VIT: variants seen among roughly 807,000 people sequenced by gnomAD.
VIT encodes vitrin.
VIT carries 99 observed loss-of-function variants against 78.0 expected under a neutral mutation model. The observed-to-expected ratio is 1.27, with a 90% CI of 1.08 to 1.50. VIT has a LOEUF of 1.50. Among genes scored for constraint, VIT ranks in the 40% most tolerant of loss-of-function variants. The pLI is 0.00. For synonymous variants in VIT, 374 were observed against 334.3 expected, an observed-to-expected ratio of 1.12 and a Z score of -1.29; for missense variants, 1,126 against 875.3, an observed-to-expected ratio of 1.29 and a Z score of -3.61.
intron 1 of VIT, among the ~76,000 whole-genome samples, chr2:36,707,092 G>A (rs1015351169): frequency 1.3e-5 from 2 of 152,142 alleles, no homozygotes; most frequent in African/African-American, 4.8e-5. Flanking sequence ...TATTATTATA[G>A]CCTTCTCTAG....
chr2:36,797,205 A>G (rs6721362), intron 12 of VIT, among the ~76,000 whole-genome samples: 113,946 of 151,862 alleles, frequency 0.75, 43,091 homozygotes, highest in East Asian at 0.99. Flanking sequence ...GCTCTCTTAA[A>G]GTGAAGATCA....
intron 4 of VIT, among the ~76,000 whole-genome samples, chr2:36,746,075 TG>T (rs529398112): frequency 1.5e-3 from 230 of 152,346 alleles, no homozygotes; most frequent in Non-Finnish European, 2.7e-3. Flanking sequence ...ACATGGTTTT[TG>T]TTTTTAATTC....
chr2:36,724,336 C>A (rs4233916), intron 2 of VIT, among the ~76,000 whole-genome samples: 82,430 of 152,014 alleles, frequency 0.54, 22,796 homozygotes, highest in Admixed American at 0.64. Flanking sequence ...TTTTCTTGAC[C>A]TGCATGGCCT....
chr2:36,795,486 C>T (rs1362045072), intron 12 of VIT, among the ~76,000 whole-genome samples: 2 of 151,824 alleles, frequency 1.3e-5, no homozygotes, highest in African/African-American at 4.8e-5. Flanking sequence ...GATCTCAGCT[C>T]ACTGCAACCT....
intron 1 of VIT, among the ~76,000 whole-genome samples, chr2:36,698,817 G>C (rs571408103): frequency 4.6e-5 from 7 of 151,964 alleles, no homozygotes; most frequent in Non-Finnish European, 1.0e-4. Context: ...GATGGCGGGT[G>C]CCTGTAATCC....
intron 1 of VIT, among the ~76,000 whole-genome samples, chr2:36,715,340 C>A (rs975280693): frequency 6.6e-6 from 1 of 152,118 alleles, no homozygotes; most frequent in African/African-American, 2.4e-5. Flanking sequence ...GAGTTCAAGA[C>A]CACATGGCCA....
chr2:36,774,859 C>T, intron 8 of VIT, 143 bp from the exon 9 acceptor site: 1 of 1,464,956 alleles, frequency 6.8e-7, no homozygotes, highest in South Asian at 1.4e-5. Context: ...TCTGCAACCC[C>T]CAGAAGTACA....
intron 2 of VIT, among the ~76,000 whole-genome samples, chr2:36,723,039 A>G (rs1333203592): frequency 2.0e-5 from 3 of 151,498 alleles, no homozygotes; most frequent in Non-Finnish European, 4.4e-5. Context: ...AATACAGAAA[A>G]CATAAAATGG....
At chr2:36,766,074 A>C (rs1031498584) in intron 6 of VIT, among the ~76,000 whole-genome samples, 3 of 152,244 alleles carry the variant, frequency 2.0e-5, no homozygotes, top group African/African-American at 7.2e-5. Flanking sequence ...ACAAACCCCA[A>C]TGCCCAGTGG....
intron 2 of VIT, among the ~76,000 whole-genome samples, chr2:36,727,896 C>T (rs1666950271): frequency 1.3e-5 from 2 of 152,198 alleles, no homozygotes; most frequent in African/African-American, 4.8e-5. Flanking sequence ...ATAATGATTA[C>T]TTGATAACAA....
At chr2:36,801,001 C>T (rs568787375) in intron 12 of VIT, among the ~76,000 whole-genome samples, 1 of 152,312 alleles carries the variant, frequency 6.6e-6, no homozygotes, top group South Asian at 2.1e-4. Flanking sequence ...CAGTCCCGTT[C>T]ATTAGCAATA....
intron 2 of VIT, among the ~76,000 whole-genome samples, chr2:36,722,602 G>T (rs942963636): frequency 6.6e-6 from 1 of 152,182 alleles, no homozygotes; most frequent in Non-Finnish European, 1.5e-5. Flanking sequence ...TTTTCAAGAA[G>T]GCATTGTGGA....
intron 1 of VIT, among the ~76,000 whole-genome samples, chr2:36,697,465 CAG>C (rs1171946399): frequency 6.7e-6 from 1 of 148,796 alleles, no homozygotes; most frequent in Admixed American, 6.6e-5. Context: ...TCTATTCAGA[CAG>C]ATTTCAGTGG....
At position 36,759,040 on chromosome 2, in the gene VIT, C is replaced by A. The variant is rs1205791531; in HGVS notation, c.481C>A (p.Gln161Lys). Residue 161 changes from glutamine to lysine, a missense_variant, in exon 6 of 16, where the codon CAA becomes AAA. Transcript: ENST00000379242. ...TYSSSKSPAA[Q>K]AGETTKAYQR... is the part of the protein sequence containing the mutation. ...CTCATCATCGAAAAGTCCAGCTGCC[C>A]AAGCAGGCAAGTGCTCACGTGTGAT... 2 of 1,614,006 alleles carry A rather than the reference C, an allele frequency of 1.2e-6. No homozygotes were observed. Among genetic ancestry groups the A allele is most frequent in the East Asian group, 4.5e-5 (2 of 44,884 alleles).
At chr2:36,706,262 T>C (rs1053421642) in intron 1 of VIT, among the ~76,000 whole-genome samples, 9 of 152,220 alleles carry the variant, frequency 5.9e-5, no homozygotes, top group South Asian at 2.1e-4. Flanking sequence ...ATGTGTCCTT[T>C]TCATTTTGAG....
intron 2 of VIT, among the ~76,000 whole-genome samples, chr2:36,726,068 C>CA (rs201797565): frequency 0.093 from 9,337 of 100,632 alleles, 960 homozygotes; most frequent in African/African-American, 0.28. Flanking sequence ...GACTCTGTCT[C>CA]AAAAAAAAAA....
Position 36,704,845 on chromosome 2 carries a change from C to A in VIT, c.-19+7872C>A, listed in dbSNP as rs562844710. On this transcript the variant is annotated intron_variant, in intron 1 of 15. Transcript: ENST00000379242. ...AGGGTGTGGATCTTGCAGACGCACC[C>A]TCATCTTCCTTCCTATCTCAGCTGG... is the stretch of plus-strand genomic sequence containing the variant. Among the ~76,000 whole-genome samples the A allele has an allele frequency of 3.3e-5, 5 of 151,268 alleles. No homozygotes were observed. In the South Asian group the frequency reaches 1.0e-3, roughly 32 times the overall value.
At chr2:36,749,817 T>C (rs969417551) in intron 4 of VIT, among the ~76,000 whole-genome samples, 2 of 152,272 alleles carry the variant, frequency 1.3e-5, no homozygotes, top group South Asian at 2.1e-4. Flanking sequence ...TGCACATAAG[T>C]GGGTTGATTG....
intron 4 of VIT, among the ~76,000 whole-genome samples, chr2:36,744,064 G>C (rs58723182): frequency 0.12 from 18,643 of 152,060 alleles, 1,790 homozygotes; most frequent in East Asian, 0.31. Context: ...GCAATATTTG[G>C]TGTTCTGTCT....
Sources: gnomAD v4.1 joint callset for allele counts (sites outside exome capture counted in the v4.1 genomes callset) on GRCh38, gnomAD v4.1.1 for gene constraint, MANE v1.5 for transcripts, NCBI Gene and HGNC (gene_info 2026-07-23, HGNC 2026-07-21) for gene names.